ENPP1: variants seen among roughly 807,000 people sequenced by gnomAD.
The protein encoded by ENPP1 is ectonucleotide pyrophosphatase/phosphodiesterase 1, also known as ectonucleotide pyrophosphatase/phosphodiesterase family member 1.
In ENPP1, 73 loss-of-function variants were observed where a neutral mutation model predicts 122.8. The observed-to-expected ratio is 0.59, with a 90% CI of 0.49 to 0.72. The LOEUF is 0.72. ENPP1 is among the 30% of genes least tolerant of loss of function. The pLI is 0.00. For missense variants in ENPP1, 978 were observed against 1,128.1 expected (o/e 0.87, Z 1.91); for synonymous variants, 367 against 391.6 (o/e 0.94, Z 0.74).
intron 3 of ENPP1, among the ~76,000 whole-genome samples, chr6:131,850,497 CTTAG>C (rs755929125): frequency 1.6e-4 from 25 of 152,136 alleles, no homozygotes; most frequent in African/African-American, 4.8e-4. Flanking sequence ...TGAAAATTTT[CTTAG>C]TTAGATTTGG....
Position 131,890,864 on chromosome 6 carries a change from TTGA to T in ENPP1, c.*356_*358del, listed in dbSNP as rs1230972412. 1.1e-5 allele frequency: 3 copies of T among 277,100 alleles called. No individual in the cohort carries two copies. The highest frequency in any genetic ancestry group is 2.1e-5 in the Non-Finnish European group (3 of 143,880). The allele number at this position is 277,100 out of a possible 1,614,324, so 17.2% of individuals were successfully genotyped here. On this transcript the variant is annotated 3_prime_UTR_variant, in exon 25 of 25. Transcript: ENST00000647893. ...TCTTTCTTACTATTGGTAATAAACC[TTGA>T]TGGCATTGGGCAAACAGTAGACTTA... is the stretch of plus-strand genomic sequence containing the variant.
chr6:131,889,994 A>G (rs113804238), intron 24 of ENPP1, among the ~76,000 whole-genome samples: 2,435 of 152,174 alleles, frequency 0.016, 63 homozygotes, highest in African/African-American at 0.055. Context: ...ATTCTGAGTG[A>G]TTCTTTACAT....
chr6:131,822,480 T>C (rs917251382), intron 1 of ENPP1, among the ~76,000 whole-genome samples: 6 of 152,012 alleles, frequency 3.9e-5, no homozygotes, highest in African/African-American at 9.7e-5. Flanking sequence ...ATACTATCTA[T>C]TGCAAAAAAT....
chr6:131,867,910 T>C, intron 11 of ENPP1, 108 bp from the exon 12 acceptor site: 2 of 793,972 alleles, frequency 2.5e-6, no homozygotes, highest in Non-Finnish European at 4.3e-6. Context: ...TGTCTTTCTT[T>C]CTTTCTTTGT....
At chr6:131,824,580 G>A (rs1348985960) in intron 1 of ENPP1, among the ~76,000 whole-genome samples, 1 of 151,862 alleles carries the variant, frequency 6.6e-6, no homozygotes, top group Non-Finnish European at 1.5e-5. Context: ...TCAGCCTCCC[G>A]AGTAGCTGGG....
chr6:131,831,114 C>CAAAAAAAAAA (rs3036850), intron 1 of ENPP1, among the ~76,000 whole-genome samples: 5 of 59,988 alleles, frequency 8.3e-5, no homozygotes, highest in South Asian at 6.9e-4. Flanking sequence ...GCCCATCTCT[C>CAAAAAAAAAA]AAAAAAAAAA....
At position 131,885,031 on chromosome 6, in the gene ENPP1, T is replaced by G. The variant is rs1284375491; in HGVS notation, c.2412T>G (p.Asp804Glu). The G allele has an allele frequency of 6.2e-7, 1 of 1,614,102 alleles. No individual in the cohort carries two copies. The part of the protein sequence containing the change: ...VSGPVFDFDY[D>E]GRCDSLENLR... ...GTCCTGTGTTTGACTTTGATTATGA[T>G]GGACGTTGTGATTCCTTAGAGAATC... Residue 804 changes from aspartate (D) to glutamate (E), a missense_variant, in exon 23 of 25, where the codon GAT (aspartate) becomes GAG (glutamate). Coordinates refer to ENST00000647893, the MANE Select transcript of ENPP1 (RefSeq NM_006208.3).
chr6:131,882,203 T>C lies in ENPP1; in HGVS notation c.2101-142T>C, dbSNP rs540321260. On this transcript the variant is annotated intron_variant, in intron 20 of 24. Coordinates refer to ENST00000647893, the MANE Select transcript of ENPP1 (RefSeq NM_006208.3). Reference sequence around the variant, plus strand: ...CTTTAGTTAGAAAAAAAGATGAATATACTAGTAGGAAAATAGGGAAGGACA... The same window carrying C: ...CTTTAGTTAGAAAAAAAGATGAATACACTAGTAGGAAAATAGGGAAGGACA... 1.7e-5 allele frequency: 11 copies of C among 639,340 alleles called. No homozygotes were observed. The African/African-American group carries it at 1.8e-4, about 11-fold the overall frequency. 39.6% of individuals were successfully genotyped at this position (639,340 alleles called of 1,614,324 possible).
chr6:131,874,374 A>G, intron 16 of ENPP1, 37 bp downstream of exon 16: 2 of 1,219,058 alleles, frequency 1.6e-6, no homozygotes, highest in South Asian at 1.2e-5. Flanking sequence ...GATTAAATCT[A>G]AAGAAAAAAT....
At chr6:131,865,989 T>C (rs1585827924) in intron 11 of ENPP1, among the ~76,000 whole-genome samples, 1 of 133,078 alleles carries the variant, frequency 7.5e-6, no homozygotes, top group Non-Finnish European at 1.5e-5. Context: ...AGCGGGACTC[T>C]GTCTCAAAAA....
chr6:131,863,646 G>A (rs1192717130), intron 9 of ENPP1, among the ~76,000 whole-genome samples: 1 of 151,790 alleles, frequency 6.6e-6, no homozygotes, highest in Non-Finnish European at 1.5e-5. Context: ...TGGGCGTGGT[G>A]GCTCACACCT....
chr6:131,825,423 T>C (rs1408850383), intron 1 of ENPP1, among the ~76,000 whole-genome samples: 1 of 152,204 alleles, frequency 6.6e-6, no homozygotes, highest in Non-Finnish European at 1.5e-5. Context: ...AATTAAAATT[T>C]CATCTAATTA....
In ENPP1 at chr6:131,886,563, A is replaced by T; in HGVS notation, c.2446A>T (p.Lys816Ter). 6.2e-7 allele frequency: 1 copy of T among 1,609,868 alleles called. No individual in the cohort carries two copies. Among genetic ancestry groups the T allele is most frequent in the African/African-American group, 1.3e-5 (1 of 74,986 alleles). The change falls in exon 24 of 25, where the codon AAA (lysine) becomes TAA (stop). Residue 816 changes from lysine (K) to a stop codon, truncating the protein, a stop_gained and splice_region_variant. Coordinates refer to ENST00000647893, the MANE Select transcript of ENPP1 (RefSeq NM_006208.3). LOFTEE classifies it high-confidence loss of function. ...AATGAATATTGGCATGTTTTACAGA[A>T]AAAGAAGAGTCATCCGTAACCAAGA... ...RCDSLENLRQ[K>*]RRVIRNQEIL... is the part of the protein sequence containing the mutation.
chr6:131,838,123 A>G (rs1422511157), intron 1 of ENPP1, among the ~76,000 whole-genome samples: 1 of 152,188 alleles, frequency 6.6e-6, no homozygotes. Context: ...ACAACAGAAT[A>G]ACATTGTAGA....
At chr6:131,885,401 G>T (rs1317279543) in intron 23 of ENPP1, among the ~76,000 whole-genome samples, 2 of 152,152 alleles carry the variant, frequency 1.3e-5, no homozygotes, top group African/African-American at 4.8e-5. Context: ...AGAAGATGAA[G>T]AACTCTATGG....
chr6:131,832,043 A>G (rs1170846527), intron 1 of ENPP1, among the ~76,000 whole-genome samples: 1 of 152,048 alleles, frequency 6.6e-6, no homozygotes, highest in Non-Finnish European at 1.5e-5. Context: ...TTTTTGCTTA[A>G]CTTGTTCCAG....
chr6:131,869,237 T>G, intron 12 of ENPP1, 121 bp from the exon 13 acceptor site: 1 of 889,030 alleles, frequency 1.1e-6, no homozygotes, highest in Non-Finnish European at 1.8e-6. Flanking sequence ...GATCTTCAAC[T>G]AATATGAGTG....
In ENPP1 at chr6:131,878,550, G is replaced by A. The variant is rs116072046; in HGVS notation, c.1902G>A (p.Pro634=). ...LGCSCNPSIL[P]IEDFQTQFNL... is the part of the protein sequence containing the mutation. ...TTTATAACCTTTTTTAGATTTTGCC[G>A]ATTGAGGATTTTCAAACACAGTTCA... The change falls in exon 19 of 25, where the codon CCG becomes CCA. Residue 634 remains proline, a synonymous_variant. Transcript: ENST00000647893. The A allele has an allele frequency of 1.1e-5, 17 of 1,610,624 alleles. No homozygotes were observed. The highest frequency in any genetic ancestry group is 3.3e-5 in the South Asian group (3 of 90,960).
In ENPP1 at chr6:131,890,395, C is replaced by G. The variant is rs184483616; in HGVS notation, c.2662C>G (p.Arg888Gly). The part of the protein sequence containing the change: ...VEELLMLHRA[R>G]ITDVEHITGL... ...AGAATTGTTAATGTTACACAGAGCACGGATCACAGATGTTGAGCACATCAC... is the reference window on the plus strand; with the variant it reads ...AGAATTGTTAATGTTACACAGAGCAGGGATCACAGATGTTGAGCACATCAC... Residue 888 changes from arginine (R) to glycine (G), a missense_variant, in exon 25 of 25, where the codon CGG becomes GGG. Physicochemically the swap from Arg to Gly is moderately radical, Grantham distance 125 (BLOSUM62 -2). Around this residue, in one of 3 missense-constraint regions of ENPP1, gnomAD observed 644 missense variants for 781.5 expected, o/e 0.82. Transcript: ENST00000647893. The G allele has an allele frequency of 1.2e-6, 2 of 1,612,936 alleles. No individual in the cohort carries two copies. Among genetic ancestry groups the G allele is most frequent in the Non-Finnish European group, 1.7e-6 (2 of 1,179,080 alleles).
Sources: allele counts gnomAD v4.1 joint callset (sites outside exome capture counted in the v4.1 genomes callset), GRCh38; gene constraint gnomAD v4.1.1; regional missense constraint gnomAD v4.1.1; transcripts MANE v1.5; gene names NCBI Gene and HGNC (gene_info 2026-07-23, HGNC 2026-07-21).